The following MRPL37 variants were observed in gnomAD, a reference collection of about 807,000 sequenced individuals.
MRPL37 encodes large ribosomal subunit protein mL37.
MRPL37 carries 34 observed loss-of-function variants against 44.1 expected under a neutral mutation model. The observed-to-expected ratio is 0.77, with a 90% CI of 0.59 to 1.03. The LOEUF (loss-of-function observed/expected upper bound fraction) is 1.03. Among genes scored for constraint, MRPL37 ranks in the 50% least tolerant of loss-of-function variants. The pLI is 0.00. For synonymous variants in MRPL37, 212 were observed against 219.5 expected, an observed-to-expected ratio of 0.97 and a Z score of 0.30; for missense variants, 532 against 543.7, an observed-to-expected ratio of 0.98 and a Z score of 0.21.
At position 54,205,308 on chromosome 1, in the gene MRPL37, G is replaced by A; in HGVS notation, c.544G>A (p.Asp182Asn). Residue 182 changes from aspartate (D) to asparagine (N), a missense_variant, in exon 3 of 7, where the codon GAC becomes AAC. Transcript: ENST00000360840. ...TTTGTCTTCAAGCCCGGTCATCGTG[G>A]ACAACCTAATACAGCTGTGTAAATC... ...KRETYCPVIV[D>N]NLIQLCKSQI... is the part of the protein sequence containing the mutation. The A allele has an allele frequency of 6.2e-7, 1 of 1,613,368 alleles. No homozygotes were observed. Among genetic ancestry groups the A allele is most frequent in the Non-Finnish European group, 8.5e-7 (1 of 1,179,440 alleles).
chr1:54,210,456 T>A (rs1192657480), intron 4 of MRPL37, among the ~76,000 whole-genome samples: 2 of 152,130 alleles, frequency 1.3e-5, no homozygotes, highest in African/African-American at 4.8e-5. Flanking sequence ...TTTGAGGGGC[T>A]TTTCACCAAG....
chr1:54,212,373 A>C (rs1391036035), intron 4 of MRPL37, 128 bp from the exon 5 acceptor site: 1 of 1,149,590 alleles, frequency 8.7e-7, no homozygotes, highest in Non-Finnish European at 1.2e-6. Context: ...AGCTATAGTG[A>C]TAGTATCCAC....
At chr1:54,220,537 C>A, downstream of MRPL37, 1 of 398,202 alleles carries the variant, frequency 2.5e-6, no homozygotes, top group South Asian at 1.9e-5. Flanking sequence ...GATGAGGAAA[C>A]AGGCTTAGAG....
downstream of MRPL37, among the ~76,000 whole-genome samples, chr1:54,222,696 C>T (rs1039662951): frequency 1.3e-5 from 2 of 152,204 alleles, no homozygotes; most frequent in African/African-American, 4.8e-5. Flanking sequence ...TAGATGATTT[C>T]AGCCAGTCTG....
chr1:54,220,529 T>C (rs1644225700), downstream of MRPL37: 2 of 394,920 alleles, frequency 5.1e-6, no homozygotes, highest in East Asian at 1.5e-4. Flanking sequence ...CCCATGGAGA[T>C]GAGGAAACAG....
At chr1:54,215,544 C>T (rs1644191384) in intron 5 of MRPL37, among the ~76,000 whole-genome samples, 1 of 152,136 alleles carries the variant, frequency 6.6e-6, no homozygotes, top group African/African-American at 2.4e-5. Flanking sequence ...GCAGCGTCAG[C>T]ATGAAGCCCA....
At chr1:54,210,254 T>A (rs2100509288) in intron 4 of MRPL37, 123 bp downstream of exon 4, 3 of 912,914 alleles carry the variant, frequency 3.3e-6, no homozygotes, top group Non-Finnish European at 3.3e-6. Flanking sequence ...ACCTATCTCC[T>A]AGGATCCATG....
downstream of MRPL37, among the ~76,000 whole-genome samples, chr1:54,220,299 AC>A (rs1197680563): frequency 2.6e-5 from 4 of 152,110 alleles, no homozygotes; most frequent in Non-Finnish European, 5.9e-5. Context: ...TCAGCAGATG[AC>A]CTTGTAGCTT....
At chr1:54,209,009 T>G (rs561099952) in intron 3 of MRPL37, among the ~76,000 whole-genome samples, 11 of 152,358 alleles carry the variant, frequency 7.2e-5, no homozygotes, top group Admixed American at 3.9e-4. Flanking sequence ...ATCTCTGCTC[T>G]TATCCATCCT....
intron 3 of MRPL37, among the ~76,000 whole-genome samples, chr1:54,206,152 A>G (rs558386668): frequency 1.9e-4 from 29 of 152,030 alleles, no homozygotes; most frequent in South Asian, 6.2e-4. Context: ...TCGCTCTGTC[A>G]CCCAGGCTGG....
intron 4 of MRPL37, 122 bp from the exon 5 acceptor site, chr1:54,212,379 T>C: frequency 8.3e-7 from 1 of 1,203,364 alleles, no homozygotes; most frequent in Non-Finnish European, 1.2e-6. Flanking sequence ...AGTGATAGTA[T>C]CCACCTTTGT....
In MRPL37 at chr1:54,205,417, C is replaced by T. The variant is rs1415193830; in HGVS notation, c.646+7C>T. On this transcript the variant is annotated splice_region_variant and intron_variant, in intron 3 of 6. Coordinates refer to ENST00000360840, the MANE Select transcript of MRPL37 (RefSeq NM_016491.4). ...TCTGCTACCTGGAACCGAGGTTGGT[C>T]ATCTTGTACACCAGAAAGCCTTGGT... 6.2e-7 allele frequency: 1 copy of T among 1,605,614 alleles called. No individual in the cohort carries two copies. Among genetic ancestry groups the T allele is most frequent in the East Asian group, 2.2e-5 (1 of 44,832 alleles).
chr1:54,206,528 G>A (rs1218740865), intron 3 of MRPL37, among the ~76,000 whole-genome samples: 4 of 152,086 alleles, frequency 2.6e-5, no homozygotes, highest in African/African-American at 9.7e-5. Flanking sequence ...TTGTGCCTCA[G>A]CCTCCTGAGT....
At chr1:54,220,713 GC>G, downstream of MRPL37, 1 of 471,382 alleles carries the variant, frequency 2.1e-6, no homozygotes, top group South Asian at 1.5e-5. Flanking sequence ...GAGGGCCTCA[GC>G]CAGCCTCCCG....
At chr1:54,211,533 C>G (rs1272216229) in intron 4 of MRPL37, among the ~76,000 whole-genome samples, 1 of 151,666 alleles carries the variant, frequency 6.6e-6, no homozygotes, top group Admixed American at 6.6e-5. Flanking sequence ...CAGTCTGTCA[C>G]TCAGGCTGGA....
rs765134043 is a variant in MRPL37 at position 54,200,491 on chromosome 1, A to T, written c.248A>T (p.Lys83Met). 1 of 1,614,194 alleles carries T rather than the reference A, an allele frequency of 6.2e-7. No individual in the cohort carries two copies. The highest frequency in any genetic ancestry group is 8.5e-7 in the Non-Finnish European group (1 of 1,180,028). The change falls in exon 1 of 7, where the codon AAG becomes ATG. Residue 83 changes from lysine to methionine, a missense_variant. Coordinates refer to ENST00000360840, the MANE Select transcript of MRPL37 (RefSeq NM_016491.4). Reference sequence around the variant, plus strand: ...TTTCCGCCCTGGGACCGCGGCTACAAGGACCCAAGGTTCTACCGCTCGCCC... The same window carrying T: ...TTTCCGCCCTGGGACCGCGGCTACATGGACCCAAGGTTCTACCGCTCGCCC... ...PIFPPWDRGYKDPRFYRSPPL... is the reference protein window; with the variant it reads ...PIFPPWDRGYMDPRFYRSPPL...
intron 5 of MRPL37, among the ~76,000 whole-genome samples, chr1:54,215,026 T>C (rs1441390533): frequency 6.6e-6 from 1 of 152,238 alleles, no homozygotes; most frequent in Non-Finnish European, 1.5e-5. Context: ...GGCAGCATTT[T>C]TGAATCAAGG....
downstream of MRPL37, among the ~76,000 whole-genome samples, chr1:54,224,941 G>GA (rs1252803454): frequency 4.5e-3 from 623 of 139,858 alleles, 2 homozygotes; most frequent in African/African-American, 0.015. Flanking sequence ...GGAGGTTTAG[G>GA]AAAAAAAAAA....
At chr1:54,209,538 C>A (rs1348469117) in intron 3 of MRPL37, among the ~76,000 whole-genome samples, 1 of 151,414 alleles carries the variant, frequency 6.6e-6, no homozygotes, top group Non-Finnish European at 1.5e-5. Context: ...CAGCTCACTG[C>A]AAGCTCCGCC....
Sources: gnomAD v4.1 joint callset for allele counts (sites outside exome capture counted in the v4.1 genomes callset) on GRCh38, gnomAD v4.1.1 for gene constraint, MANE v1.5 for transcripts, NCBI Gene and HGNC (gene_info 2026-07-23, HGNC 2026-07-21) for gene names.